Variants in RALY observed in about 807,000 individuals in gnomAD.
RALY encodes the protein RNA-binding protein Raly.
RALY carries 15 observed loss-of-function variants against 30.7 expected under a neutral mutation model. The observed-to-expected ratio is 0.49, with a 90% confidence interval of 0.33 to 0.75. RALY has a LOEUF of 0.75. RALY is among the 30% of genes least tolerant of loss of function. The pLI is 0.02. For synonymous variants in RALY, 177 were observed against 170.8 expected (o/e 1.04, Z -0.28); for missense variants, 339 against 414.3 (o/e 0.82, Z 1.58).
Position 34,007,820 on chromosome 20 carries a change from CAAA to C in RALY, c.-93+13708_-93+13710del, listed in dbSNP as rs10649045. 1.5e-3 allele frequency among the ~76,000 whole-genome samples: 155 copies of C among 101,578 alleles called. 1 individual carries two copies. The highest frequency in any genetic ancestry group is 4.9e-3 in the African/African-American group (138 of 28,312). The allele number at this position is 101,578 out of a possible 152,430, so 66.6% of individuals were successfully genotyped here. ...GGGCAATAAGAGCGAAACTCCGTCT[CAAA>C]AAAAAAAAAAAAAAAAAAGTTCCCT... On this transcript the variant is annotated intron_variant, in intron 1 of 9. Transcript: ENST00000246194.
intron 1 of RALY, among the ~76,000 whole-genome samples, chr20:34,026,090 A>G (rs561817577): frequency 7.9e-5 from 12 of 152,154 alleles, no homozygotes; most frequent in Admixed American, 5.2e-4. Flanking sequence ...GACAAGAGGA[A>G]GAACCTGCTT....
chr20:34,048,853 CAAAAAAAAA>C (rs58117454), intron 2 of RALY, among the ~76,000 whole-genome samples: 22 of 105,626 alleles, frequency 2.1e-4, no homozygotes, highest in Admixed American at 1.0e-3. Context: ...GACTCCGTCT[CAAAAAAAAA>C]AAAAAAAAAT....
chr20:33,996,201 A>G (rs1446433883), intron 1 of RALY, among the ~76,000 whole-genome samples: 1 of 152,180 alleles, frequency 6.6e-6, no homozygotes, highest in Non-Finnish European at 1.5e-5. Context: ...GCCTTAGATG[A>G]CAGAATGAGT....
intron 2 of RALY, 29 bp from the exon 3 acceptor site, chr20:34,072,037 C>G (rs2033742075): frequency 6.2e-7 from 1 of 1,605,382 alleles, no homozygotes. Context: ...GCCCAGGGAC[C>G]CAGCTTCACC....
chr20:34,076,659 TCCAGCCCCCTAGGTGACAGC>T (rs747349966), intron 6 of RALY, 23 bp from the exon 7 acceptor site: 111 of 1,549,028 alleles, frequency 7.2e-5, no homozygotes, highest in Non-Finnish European at 9.9e-5. Flanking sequence ...GTGTCAAGCC[TCCAGCCCCCTAGGTGACAGC>T]CCTGTCCCCC....
At chr20:34,067,345 A>G (rs1047207433) in intron 2 of RALY, among the ~76,000 whole-genome samples, 2 of 151,506 alleles carry the variant, frequency 1.3e-5, no homozygotes, top group Non-Finnish European at 2.9e-5. Context: ...TTTTTTTTTA[A>G]AGTAGAGACG....
intron 3 of RALY, among the ~76,000 whole-genome samples, chr20:34,073,049 A>G (rs1172111968): frequency 6.6e-6 from 1 of 152,136 alleles, no homozygotes; most frequent in African/African-American, 2.4e-5. Context: ...AGTAAGGACT[A>G]TTCTAGGCAT....
chr20:34,073,992 T>C (rs2033804103), intron 5 of RALY, 126 bp downstream of exon 5: 1 of 1,051,320 alleles, frequency 9.5e-7, no homozygotes. Flanking sequence ...CTGGGGTTGC[T>C]CCACCAGTCG....
intron 2 of RALY, among the ~76,000 whole-genome samples, chr20:34,041,776 A>G (rs2032710290): frequency 6.6e-6 from 1 of 152,192 alleles, no homozygotes; most frequent in East Asian, 1.9e-4. Context: ...TCAAGTTTAC[A>G]TAGTAACCCT....
At chr20:34,005,372 G>C (rs1385406815) in intron 1 of RALY, among the ~76,000 whole-genome samples, 1 of 152,156 alleles carries the variant, frequency 6.6e-6, no homozygotes, top group African/African-American at 2.4e-5. Context: ...AGCTGGGCGT[G>C]GTGGCGCGTG....
In RALY at chr20:34,083,471, A is replaced by G. The variant is rs888378684; in HGVS notation, c.*3566A>G. On this transcript the variant is annotated 3_prime_UTR_variant, in exon 10 of 10. Coordinates refer to ENST00000246194, the MANE Select transcript of RALY (RefSeq NM_016732.3). The stretch of plus-strand genomic sequence containing the variant: ...ATTGCTATGACGTATCTTTTGGCCA[A>G]AGTAAGTCACATGGCTAAGCCCAAA... The G allele has an allele frequency of 3.3e-5, 5 of 152,226 alleles. No individual in the cohort carries two copies. Among genetic ancestry groups the G allele is most frequent in the African/African-American group, 1.2e-4 (5 of 41,450 alleles). 9.4% of individuals were successfully genotyped at this position (152,226 alleles called of 1,614,324 possible). A position where few individuals can be genotyped will look rare whatever the true frequency, so the allele number is the denominator to read the frequency against.
intron 2 of RALY, among the ~76,000 whole-genome samples, chr20:34,037,025 C>A (rs770170256): frequency 1.3e-5 from 2 of 151,946 alleles, no homozygotes; most frequent in Non-Finnish European, 2.9e-5. Flanking sequence ...CTTAAGGATT[C>A]GTTCATTGAT....
rs1334480703 is a variant in RALY at position 34,083,871 on chromosome 20, C to T, written c.*3966C>T. 6.6e-6 allele frequency: 1 copy of T among 152,234 alleles called. No homozygotes were observed. The highest frequency in any genetic ancestry group is 1.5e-5 in the Non-Finnish European group (1 of 68,048). 9.4% of individuals were successfully genotyped at this position (152,234 alleles called of 1,614,324 possible). A position where few individuals can be genotyped will look rare whatever the true frequency, so the allele number is the denominator to read the frequency against. On this transcript the variant is annotated 3_prime_UTR_variant, in exon 10 of 10. Transcript: ENST00000246194. ...TCCTTGGTTTTCATCCCAACCAGAT[C>T]ATTGATTGATTGAGGTTTTAGGCAA...
At chr20:34,008,009 C>T (rs914472827) in intron 1 of RALY, among the ~76,000 whole-genome samples, 3 of 152,076 alleles carry the variant, frequency 2.0e-5, no homozygotes, top group African/African-American at 7.2e-5. Flanking sequence ...CATTGTGGGA[C>T]TATGGGATCC....
Position 34,054,826 on chromosome 20 carries a change from A to AG in RALY, c.-9-17240_-9-17239insG, listed in dbSNP as rs1555806862. Among the ~76,000 whole-genome samples, 264 of 151,902 alleles carry AG rather than the reference A, an allele frequency of 1.7e-3. 1 individual carries two copies. The highest frequency in any genetic ancestry group is 3.2e-3 in the African/African-American group (133 of 41,382). Reference sequence around the variant, plus strand: ...GAATGAGACTGTCTCAAAAAAAAAAAAAAGAAAGAAAGAAAGAAATTGGTT... The same window carrying AG: ...GAATGAGACTGTCTCAAAAAAAAAAAGAAAGAAAGAAAGAAAGAAATTGGTT... On this transcript the variant is annotated intron_variant, in intron 2 of 9. Coordinates refer to ENST00000246194, the MANE Select transcript of RALY (RefSeq NM_016732.3).
chr20:34,009,706 A>C (rs1430007502), intron 1 of RALY, among the ~76,000 whole-genome samples: 1 of 151,962 alleles, frequency 6.6e-6, no homozygotes, highest in Non-Finnish European at 1.5e-5. Flanking sequence ...TCATTTCTCT[A>C]CTTTTTTCCA....
intron 1 of RALY, among the ~76,000 whole-genome samples, chr20:34,024,128 G>A (rs2031931035): frequency 6.6e-6 from 1 of 152,042 alleles, no homozygotes; most frequent in Non-Finnish European, 1.5e-5. Flanking sequence ...CCCTGCTCTG[G>A]TCTTACCTCC....
Position 34,076,003 on chromosome 20 carries a change from C to T in RALY, c.507C>T (p.Arg169=). ...ACGTACCTGTCAAGCTCTTTGCCCG[C>T]TCCACAGCTGTCACCACCAGCTCAG... ...KTNVPVKLFA[R]STAVTTSSAK... The change falls in exon 6 of 10, where the codon CGC becomes CGT. Residue 169 remains arginine, a synonymous_variant. Coordinates refer to ENST00000246194, the MANE Select transcript of RALY (RefSeq NM_016732.3). The T allele has an allele frequency of 3.1e-6, 5 of 1,614,240 alleles. No homozygotes were observed. The highest frequency in any genetic ancestry group is 3.4e-6 in the Non-Finnish European group (4 of 1,180,046).
intron 1 of RALY, among the ~76,000 whole-genome samples, chr20:33,999,359 T>C (rs2030802657): frequency 6.6e-6 from 1 of 152,140 alleles, no homozygotes; most frequent in Non-Finnish European, 1.5e-5. Flanking sequence ...CCTCTGGTTA[T>C]GGATTCTAGT....
Sources: allele counts gnomAD v4.1 joint callset (sites outside exome capture counted in the v4.1 genomes callset), GRCh38; gene constraint gnomAD v4.1.1; transcripts MANE v1.5; gene names NCBI Gene and HGNC (gene_info 2026-07-23, HGNC 2026-07-21).